Variants in ITGA2B observed in about 807,000 individuals in gnomAD.
The protein encoded by ITGA2B is integrin alpha-IIb.
ITGA2B carries 91 observed loss-of-function variants against 142.0 expected under a neutral mutation model. That is an observed-to-expected ratio of 0.64 (90% CI 0.54 to 0.76). The LOEUF is 0.76. Among genes scored for constraint, ITGA2B ranks in the 30% least tolerant of loss-of-function variants. The pLI is 0.00. For missense variants in ITGA2B, 1,231 were observed against 1,350.8 expected (o/e 0.91, Z 1.39); for synonymous variants, 536 against 567.2 (o/e 0.94, Z 0.78).
In ITGA2B at chr17:44,372,212, A is replaced by AG. The variant is rs796401871; in HGVS notation, c.*151dup. On this transcript the variant is annotated 3_prime_UTR_variant, in exon 30 of 30. Coordinates refer to ENST00000262407, the MANE Select transcript of ITGA2B (RefSeq NM_000419.5). ...CTCAGTCTCTTTATTAGGCAGCAGG[A>AG]GGGGGGGTAGCCCAGCTCTGTTGGG... The AG allele has an allele frequency of 1.2e-4, 86 of 724,558 alleles. 2 individuals carry two copies. The highest frequency in any genetic ancestry group is 6.9e-4 in the Middle Eastern group (2 of 2,896). The allele number at this position is 724,558 out of a possible 1,614,324, so 44.9% of individuals were successfully genotyped here.
rs368668564 is a variant in ITGA2B, at chr17:44,380,312, G to A, written c.1545-11C>T. The stretch of plus-strand genomic sequence containing the variant: ...ATCTGGATGTTGAAGCTGCAAAGAC[G>A]TAAGTGGGGCTCAGGGGTTGGAGCC... On this transcript the variant is annotated splice_polypyrimidine_tract_variant and intron_variant, in intron 15 of 29. Transcript: ENST00000262407. 38 of 1,614,090 alleles carry A rather than the reference G, an allele frequency of 2.4e-5. No homozygotes were observed. Among genetic ancestry groups the A allele is most frequent in the South Asian group, 1.5e-4 (14 of 91,094 alleles).
In ITGA2B at chr17:44,384,540, G is replaced by A. The variant is rs1477566082; in HGVS notation, c.845C>T (p.Thr282Ile). Residue 282 changes from threonine (T) to isoleucine (I), a missense_variant and splice_region_variant, in exon 8 of 30, where the codon ACA becomes ATA. By Grantham distance (89) the Thr-to-Ile change is moderately conservative. This residue lies in a region of ITGA2B where 908 missense variants were observed against 1,021.1 expected (regional missense o/e 0.89). Coordinates refer to ENST00000262407, the MANE Select transcript of ITGA2B (RefSeq NM_000419.5). The part of the protein sequence containing the change: ...VGEFDGDLNT[T>I]EYVVGAPTWS... ...CCCGCCCTAAGTGGATTTCTTGCCTGTAGTGTTGAGATCCCCGTCGAACTC... is the reference window on the plus strand; with the variant it reads ...CCCGCCCTAAGTGGATTTCTTGCCTATAGTGTTGAGATCCCCGTCGAACTC... 6.2e-7 allele frequency: 1 copy of A among 1,613,978 alleles called. No homozygotes were observed. The highest frequency in any genetic ancestry group is 8.5e-7 in the Non-Finnish European group (1 of 1,180,038).
chr17:44,385,102 G>A (rs1269275916), intron 6 of ITGA2B, 26 bp from the exon 7 acceptor site: 9 of 1,614,030 alleles, frequency 5.6e-6, no homozygotes, highest in Non-Finnish European at 7.6e-6. Flanking sequence ...CAGCGGGTGT[G>A]AAGCCCAAAG....
rs746691531 is a variant in ITGA2B at position 44,389,429 on chromosome 17, C to T, written c.45G>A (p.Glu15=). 3 of 1,614,188 alleles carry T rather than the reference C, an allele frequency of 1.9e-6. No individual in the cohort carries two copies. Among genetic ancestry groups the T allele is most frequent in the Non-Finnish European group, 1.7e-6 (2 of 1,180,054 alleles). The change falls in exon 1 of 30, where the codon GAG becomes GAA. Residue 15 remains glutamate (E), a synonymous_variant. Coordinates refer to ENST00000262407, the MANE Select transcript of ITGA2B (RefSeq NM_000419.5). ...AAGGTCCCAAGAGCAGCAGCACCCACTCCAGAAGCCAGAGGGCTTGCAGTG... is the reference window on the plus strand; with the variant it reads ...AAGGTCCCAAGAGCAGCAGCACCCATTCCAGAAGCCAGAGGGCTTGCAGTG... The part of the protein sequence containing the change: ...LCPLQALWLL[E]WVLLLLGPCA...
chr17:44,375,791 C>T, intron 25 of ITGA2B, 42 bp downstream of exon 25: 1 of 1,557,712 alleles, frequency 6.4e-7, no homozygotes, highest in African/African-American at 1.4e-5. Flanking sequence ...GGTGGTTGGT[C>T]TGGGGCCGCC....
At position 44,385,229 on chromosome 17, in the gene ITGA2B, G is replaced by A. The variant is rs1331298052; in HGVS notation, c.625-20C>T. 6.2e-7 allele frequency: 1 copy of A among 1,613,968 alleles called. No homozygotes were observed. Among genetic ancestry groups the A allele is most frequent in the Admixed American group, 1.7e-5 (1 of 60,026 alleles). ...TCCGGCCTGGAAGGGAAGTCCTGAG[G>A]GTGAGAGGGGGCCCTGTTTGGGAGC... On this transcript the variant is annotated intron_variant, in intron 5 of 29. Coordinates refer to ENST00000262407, the MANE Select transcript of ITGA2B (RefSeq NM_000419.5).
chr17:44,372,239 G>T lies in ITGA2B; in HGVS notation c.*125C>A. ...GGGGGGTAGCCCAGCTCTGTTGGGA[G>T]GGAAACGACACCAAGAGGACCCAAT... On this transcript the variant is annotated 3_prime_UTR_variant, in exon 30 of 30. Coordinates refer to ENST00000262407, the MANE Select transcript of ITGA2B (RefSeq NM_000419.5). 2.1e-6 allele frequency: 2 copies of T among 933,902 alleles called. No homozygotes were observed. Among genetic ancestry groups the T allele is most frequent in the Non-Finnish European group, 3.4e-6 (2 of 583,174 alleles). The allele number at this position is 933,902 out of a possible 1,614,324, so 57.9% of individuals were successfully genotyped here.
In ITGA2B at chr17:44,375,602, G is replaced by A. The variant is rs751616204; in HGVS notation, c.2716C>T (p.Pro906Ser). The A allele has an allele frequency of 3.1e-6, 5 of 1,613,980 alleles. No homozygotes were observed. Among genetic ancestry groups the A allele is most frequent in the Admixed American group, 3.3e-5 (2 of 60,006 alleles). Residue 906 changes from proline (P) to serine (S), a missense_variant, in exon 26 of 30, where the codon CCA becomes TCA. This residue lies in a region of ITGA2B where 908 missense variants were observed against 1,021.1 expected (regional missense o/e 0.89). Transcript: ENST00000262407. ...GAGAGCCTGCTCACTACGAGAACTG[G>A]ATCCTGAAGCCTCGAGGGCTGCTCG... ...EPEQPSRLQD[P>S]VLVSCDSAPC...
At position 44,384,129 on chromosome 17, in the gene ITGA2B, A is replaced by C. The variant is rs1458337156; in HGVS notation, c.901T>G (p.Leu301Val). 6.2e-7 allele frequency: 1 copy of C among 1,613,592 alleles called. No individual in the cohort carries two copies. ...WSWTLGAVEI[L>V]DSYYQRLHRL... is the part of the protein sequence containing the mutation. ...TGCAGCCTCTGGTAGTAGGAATCCAAAATTTCCACCTGCACGGACAGCGCA... is the reference window on the plus strand; with the variant it reads ...TGCAGCCTCTGGTAGTAGGAATCCACAATTTCCACCTGCACGGACAGCGCA... The change falls in exon 10 of 30, where the codon TTG becomes GTG. Residue 301 changes from leucine to valine, a missense_variant. Around this residue, in one of 3 missense-constraint regions of ITGA2B, gnomAD observed 908 missense variants for 1,021.1 expected, o/e 0.89. Coordinates refer to ENST00000262407, the MANE Select transcript of ITGA2B (RefSeq NM_000419.5).
At chr17:44,376,949 C>T (rs1031521751) in intron 22 of ITGA2B, 60 bp downstream of exon 22, 2 of 1,371,646 alleles carry the variant, frequency 1.5e-6, no homozygotes, top group African/African-American at 2.9e-5. Flanking sequence ...ACCTGAGGGG[C>T]TCTGCACGGG....
At position 44,374,450 on chromosome 17, in the gene ITGA2B, C is replaced by G; in HGVS notation, c.2964G>C (p.Arg988=). ...TTGGAATGGCCCTCTCCTCCAAGGC[C>G]CGGAGCAGCTGTGTCCACACCTGGG... ...GEAQVWTQLL[R]ALEERAIPIW... Residue 988 remains arginine, a synonymous_variant, in exon 29 of 30, where the codon CGG becomes CGC. Coordinates refer to ENST00000262407, the MANE Select transcript of ITGA2B (RefSeq NM_000419.5). 1 of 1,614,150 alleles carries G rather than the reference C, an allele frequency of 6.2e-7. No homozygotes were observed. The highest frequency in any genetic ancestry group is 8.5e-7 in the Non-Finnish European group (1 of 1,180,018).
intron 7 of ITGA2B, 40 bp downstream of exon 7, chr17:44,384,908 T>C: frequency 6.2e-7 from 1 of 1,612,586 alleles, no homozygotes; most frequent in Non-Finnish European, 8.5e-7. Context: ...CGGTGGGCGG[T>C]GACCCTCGGG....
At chr17:44,381,550 G>A (rs1292119148) in intron 12 of ITGA2B, among the ~76,000 whole-genome samples, 2 of 151,908 alleles carry the variant, frequency 1.3e-5, no homozygotes, top group South Asian at 2.1e-4. Flanking sequence ...GGCTGATCTC[G>A]AACTCCTGAC....
intron 29 of ITGA2B, 34 bp downstream of exon 29, chr17:44,374,320 C>T: frequency 1.3e-6 from 2 of 1,590,948 alleles, no homozygotes; most frequent in East Asian, 2.2e-5. Context: ...AAGCCTGTGC[C>T]CCGCTGGGGA....
intron 1 of ITGA2B, among the ~76,000 whole-genome samples, chr17:44,387,421 G>A (rs974843844): frequency 1.1e-4 from 17 of 152,136 alleles, no homozygotes; most frequent in African/African-American, 3.9e-4. Flanking sequence ...TACTCGGGAG[G>A]CTGAGACAGG....
chr17:44,375,911 G>T lies in ITGA2B; in HGVS notation c.2523C>A (p.Ser841=). The T allele has an allele frequency of 6.2e-7, 1 of 1,613,180 alleles. No individual in the cohort carries two copies. Among genetic ancestry groups the T allele is most frequent in the Non-Finnish European group, 8.5e-7 (1 of 1,179,738 alleles). ...SIHLPGQSQP[S]DLLYILDIQP... ...GTATATCCAGGATGTAGAGCAGGTC[G>T]GAGGGCTGGGACTGTCCCGGAAGGT... Residue 841 remains serine (S), a synonymous_variant, in exon 25 of 30, where the codon TCC becomes TCA. Coordinates refer to ENST00000262407, the MANE Select transcript of ITGA2B (RefSeq NM_000419.5).
At position 44,374,384 on chromosome 17, in the gene ITGA2B, C is replaced by A. The variant is rs570602852; in HGVS notation, c.3030G>T (p.Leu1010=). Residue 1010 remains leucine, a synonymous_variant, in exon 29 of 30, where the codon CTG becomes CTT. Transcript: ENST00000262407. ...ACATGGCCAGGACCAGGATGGTGAG[C>A]AGCAGCAGGCCACCCAGCACACCCA... ...VLVGVLGGLL[L]LTILVLAMWK... 6.2e-7 allele frequency: 1 copy of A among 1,613,910 alleles called. No individual in the cohort carries two copies.
chr17:44,384,241 G>A lies in ITGA2B; in HGVS notation c.891+70C>T, dbSNP rs2048623315. On this transcript the variant is annotated intron_variant, in intron 9 of 29. Coordinates refer to ENST00000262407, the MANE Select transcript of ITGA2B (RefSeq NM_000419.5). ...GGTGGAGGCGGGGCGGGGGTGGGGGGCGCTCAGGAGTTGTCAGCCTGAGAA... is the reference window on the plus strand; with the variant it reads ...GGTGGAGGCGGGGCGGGGGTGGGGGACGCTCAGGAGTTGTCAGCCTGAGAA... 4.0e-6 allele frequency: 6 copies of A among 1,506,776 alleles called. No individual in the cohort carries two copies. The Admixed American group carries it at 1.0e-4, about 25-fold the overall frequency. The allele number at this position is 1,506,776 out of a possible 1,614,324, so 93.3% of individuals were successfully genotyped here. A position where few individuals can be genotyped will look rare whatever the true frequency, so the allele number is the denominator to read the frequency against.
In ITGA2B at chr17:44,383,965, C is replaced by A; in HGVS notation, c.946-19G>T. The A allele has an allele frequency of 1.2e-6, 2 of 1,614,058 alleles. No individual in the cohort carries two copies. Among genetic ancestry groups the A allele is most frequent in the Non-Finnish European group, 1.7e-6 (2 of 1,180,016 alleles). On this transcript the variant is annotated intron_variant, in intron 10 of 29. Transcript: ENST00000262407. ...ACGCCATCTGCAAGATGAGGAGCAC[C>A]ATCATTCACGCCGCTGGACAAGCAT...
Sources: allele counts gnomAD v4.1 joint callset (sites outside exome capture counted in the v4.1 genomes callset), GRCh38; gene constraint gnomAD v4.1.1; regional missense constraint gnomAD v4.1.1; transcripts MANE v1.5; gene names NCBI Gene and HGNC (gene_info 2026-07-23, HGNC 2026-07-21).